Variants in LHFPL6 observed in about 807,000 individuals in gnomAD.
LHFPL6 encodes the protein LHFPL tetraspan subfamily member 6.
A neutral mutation model predicts 20.6 loss-of-function variants in LHFPL6; 9 were observed. That is an observed-to-expected ratio of 0.44 (90% CI 0.26 to 0.76). LHFPL6 has a LOEUF of 0.76. Ranked by LOEUF, LHFPL6 falls within the 30% of genes least tolerant of loss-of-function variation. The probability of loss-of-function intolerance (pLI) is 0.20; values close to 1 mark genes in which losing one functional copy is unlikely to be tolerated. For synonymous variants in LHFPL6, 105 were observed against 98.7 expected (o/e 1.06, Z -0.38); for missense variants, 218 against 253.5 (o/e 0.86, Z 0.95).
chr13:39,529,830 A>T (rs1156664564), intron 2 of LHFPL6, among the ~76,000 whole-genome samples: 3 of 152,254 alleles, frequency 2.0e-5, no homozygotes, highest in Non-Finnish European at 1.5e-5. Flanking sequence ...ATAATCCAAA[A>T]GGAGGAAACA....
chr13:39,592,010 C>T (rs1262587574), intron 2 of LHFPL6, among the ~76,000 whole-genome samples: 2 of 151,764 alleles, frequency 1.3e-5, no homozygotes, highest in African/African-American at 2.4e-5. Flanking sequence ...GCGGGAGAAT[C>T]GCTTGAACCT....
chr13:39,394,597 T>C (rs1870797493), intron 2 of LHFPL6, among the ~76,000 whole-genome samples: 1 of 152,212 alleles, frequency 6.6e-6, no homozygotes, highest in East Asian at 1.9e-4. Flanking sequence ...TGAAAAATTG[T>C]TGTGAAGTTC....
chr13:39,468,792 C>T (rs886693394), intron 2 of LHFPL6, among the ~76,000 whole-genome samples: 1 of 151,746 alleles, frequency 6.6e-6, no homozygotes, highest in African/African-American at 2.4e-5. Flanking sequence ...TTTAATGTAT[C>T]GAAAACTCAA....
At chr13:39,501,187 A>T (rs1344155730) in intron 2 of LHFPL6, among the ~76,000 whole-genome samples, 2 of 152,296 alleles carry the variant, frequency 1.3e-5, no homozygotes, top group East Asian at 3.9e-4. Flanking sequence ...GCTGTTAGCA[A>T]CAGGAAGTCG....
intron 2 of LHFPL6, among the ~76,000 whole-genome samples, chr13:39,407,403 T>C (rs1209015687): frequency 1.3e-5 from 2 of 152,204 alleles, no homozygotes; most frequent in African/African-American, 4.8e-5. Context: ...GGCATTTGTC[T>C]GCAGCAAGTA....
At chr13:39,509,224 CTTA>C (rs1869599384) in intron 2 of LHFPL6, among the ~76,000 whole-genome samples, 1 of 152,040 alleles carries the variant, frequency 6.6e-6, no homozygotes, top group Non-Finnish European at 1.5e-5. Context: ...GCATTGTTTT[CTTA>C]TTATCAAGTT....
At chr13:39,583,093 T>C (rs1872338600) in intron 2 of LHFPL6, among the ~76,000 whole-genome samples, 1 of 151,972 alleles carries the variant, frequency 6.6e-6, no homozygotes, top group Admixed American at 6.6e-5. Flanking sequence ...AGAAAGATAT[T>C]ATACACCTAA....
intron 2 of LHFPL6, among the ~76,000 whole-genome samples, chr13:39,532,967 C>T (rs1474705999): frequency 6.6e-6 from 1 of 152,102 alleles, no homozygotes; most frequent in East Asian, 1.9e-4. Flanking sequence ...TGGAAGAATT[C>T]CCATTAATAT....
chr13:39,424,419 A>G (rs773474727), intron 2 of LHFPL6, among the ~76,000 whole-genome samples: 15 of 152,208 alleles, frequency 9.9e-5, no homozygotes, highest in Non-Finnish European at 7.3e-5. Context: ...AGGTATGAAT[A>G]GGTTATTGAA....
chr13:39,390,067 T>A (rs1402944741), intron 2 of LHFPL6, among the ~76,000 whole-genome samples: 1 of 152,174 alleles, frequency 6.6e-6, no homozygotes, highest in African/African-American at 2.4e-5. Context: ...AAAGTTTGGA[T>A]AAGAAATAAT....
At chr13:39,567,713 C>G (rs1593367066) in intron 2 of LHFPL6, among the ~76,000 whole-genome samples, 2 of 152,234 alleles carry the variant, frequency 1.3e-5, no homozygotes. Flanking sequence ...GGATTTGGCC[C>G]TGGGGCATAG....
Position 39,414,135 on chromosome 13 carries a change from C to T in LHFPL6, c.386-35609G>A, listed in dbSNP as rs181636515. On this transcript the variant is annotated intron_variant, in intron 2 of 3. Coordinates refer to ENST00000379589, the MANE Select transcript of LHFPL6 (RefSeq NM_005780.3). Reference sequence around the variant, plus strand: ...TAATTCTGGGAACATTCTCATATGCCGTTTCATTCACATATCTATACATTT... The same window carrying T: ...TAATTCTGGGAACATTCTCATATGCTGTTTCATTCACATATCTATACATTT... Among the ~76,000 whole-genome samples the T allele has an allele frequency of 2.0e-5, 3 of 152,208 alleles. No homozygotes were observed. In the East Asian group the frequency reaches 5.8e-4, roughly 29 times the overall value.
chr13:39,458,413 C>T (rs909803930), intron 2 of LHFPL6, among the ~76,000 whole-genome samples: 1 of 152,034 alleles, frequency 6.6e-6, no homozygotes, highest in Admixed American at 6.6e-5. Flanking sequence ...TGAAAGCAAG[C>T]AAGCCAGGCG....
intron 3 of LHFPL6, among the ~76,000 whole-genome samples, chr13:39,357,707 T>G (rs1451246342): frequency 1.3e-5 from 2 of 152,132 alleles, no homozygotes; most frequent in Non-Finnish European, 2.9e-5. Flanking sequence ...ACCAATCATA[T>G]TCAAGTTGAG....
At chr13:39,440,166 T>A (rs181483631) in intron 2 of LHFPL6, among the ~76,000 whole-genome samples, 40 of 152,294 alleles carry the variant, frequency 2.6e-4, no homozygotes, top group Admixed American at 2.4e-3. Context: ...TAGAGAGTTA[T>A]CTGGAGAGAT....
At chr13:39,429,447 C>T (rs1871730524) in intron 2 of LHFPL6, among the ~76,000 whole-genome samples, 1 of 152,094 alleles carries the variant, frequency 6.6e-6, no homozygotes, top group Non-Finnish European at 1.5e-5. Flanking sequence ...TTAGTGTTAG[C>T]ATGGTATATC....
intron 2 of LHFPL6, among the ~76,000 whole-genome samples, chr13:39,520,019 C>T (rs932604696): frequency 6.6e-6 from 1 of 152,150 alleles, no homozygotes; most frequent in African/African-American, 2.4e-5. Flanking sequence ...TTAGTGATGT[C>T]AGTAGGAAGT....
intron 2 of LHFPL6, among the ~76,000 whole-genome samples, chr13:39,480,497 AC>A (rs1868475081): frequency 6.6e-6 from 1 of 152,096 alleles, no homozygotes; most frequent in Non-Finnish European, 1.5e-5. Context: ...CCAAGGCAGA[AC>A]CCCCTGAGAT....
chr13:39,550,871 C>T (rs1385050496), intron 2 of LHFPL6, among the ~76,000 whole-genome samples: 2 of 152,008 alleles, frequency 1.3e-5, no homozygotes, highest in Non-Finnish European at 2.9e-5. Context: ...GGTTTTTCTA[C>T]TAGGAAAGTT....
Sources: gnomAD v4.1 joint callset for allele counts (sites outside exome capture counted in the v4.1 genomes callset) on GRCh38, gnomAD v4.1.1 for gene constraint, MANE v1.5 for transcripts, NCBI Gene and HGNC (gene_info 2026-07-23, HGNC 2026-07-21) for gene names.